The following STK32B variants were observed in gnomAD, a reference collection of about 807,000 sequenced individuals.
STK32B encodes the protein serine/threonine kinase 32B.
In STK32B, 43 loss-of-function variants were observed where a neutral mutation model predicts 52.6. The ratio of observed to expected loss-of-function variants is 0.82; its 90% CI spans 0.64 to 1.05. The LOEUF (loss-of-function observed/expected upper bound fraction) is 1.05, where lower values mean the gene tolerates loss of function less well. STK32B is among the 50% of genes least tolerant of loss of function. The pLI, the probability that STK32B is intolerant of heterozygous loss-of-function variation, is 0.00. For synonymous variants in STK32B, 238 were observed against 204.3 expected, an observed-to-expected ratio of 1.17 and a Z score of -1.41; for missense variants, 621 against 534.6, an observed-to-expected ratio of 1.16 and a Z score of -1.59.
chr4:5,100,676 CCTTTCTTACTTTCTTTCT>C (rs1713707574), intron 1 of STK32B, among the ~76,000 whole-genome samples: 8 of 38,968 alleles, frequency 2.1e-4, no homozygotes, highest in Non-Finnish European at 2.4e-4. Context: ...TTCTTTCTTT[CCTTTCTTACTTTCTTTCT>C]TTCCTTCCTT....
chr4:5,404,282 T>G (rs1343106518), intron 5 of STK32B, among the ~76,000 whole-genome samples: 1 of 152,134 alleles, frequency 6.6e-6, no homozygotes, highest in African/African-American at 2.4e-5. Flanking sequence ...TCCAGGGCCC[T>G]CTTCCAGCTC....
intron 11 of STK32B, among the ~76,000 whole-genome samples, chr4:5,468,327 C>T (rs1717599842): frequency 6.6e-6 from 1 of 152,182 alleles, no homozygotes; most frequent in Non-Finnish European, 1.5e-5. Flanking sequence ...TGCAGCAGCC[C>T]TGAGCGGGCA....
chr4:5,041,769 TTTC>T, the STK32B span, among the ~76,000 whole-genome samples: 1 of 151,618 alleles, frequency 6.6e-6, no homozygotes, highest in East Asian at 2.0e-4. Context: ...GTGCAAACTA[TTTC>T]TTATCTTGGT....
At chr4:5,021,740 A>G in the STK32B span, among the ~76,000 whole-genome samples, 1 of 152,158 alleles carries the variant, frequency 6.6e-6, no homozygotes, top group South Asian at 2.1e-4. Context: ...TCTTGGGTAA[A>G]TCAGCTGAGC....
intron 1 of STK32B, among the ~76,000 whole-genome samples, chr4:5,073,399 T>C (rs557409002): frequency 2.0e-5 from 3 of 152,184 alleles, no homozygotes; most frequent in African/African-American, 7.2e-5. Flanking sequence ...TAAAAACTTA[T>C]AATAGTATAA....
chr4:5,076,368 T>G (rs1342959384), intron 1 of STK32B, among the ~76,000 whole-genome samples: 1 of 152,204 alleles, frequency 6.6e-6, no homozygotes, highest in African/African-American at 2.4e-5. Context: ...TGGGGGCATT[T>G]AGCTTATTCC....
At chr4:5,232,698 G>C (rs188030783) in intron 3 of STK32B, among the ~76,000 whole-genome samples, 32 of 152,294 alleles carry the variant, frequency 2.1e-4, no homozygotes, top group Admixed American at 6.5e-4. Context: ...TGTGAAGCTG[G>C]AGATGAAGCC....
chr4:5,457,408 G>A (rs571012111), intron 8 of STK32B, among the ~76,000 whole-genome samples: 101 of 150,530 alleles, frequency 6.7e-4, no homozygotes, highest in African/African-American at 2.4e-3. Flanking sequence ...GTAGAGACGG[G>A]GTTTCACCAT....
chr4:5,077,159 C>A (rs1398115177), intron 1 of STK32B, among the ~76,000 whole-genome samples: 7 of 152,158 alleles, frequency 4.6e-5, no homozygotes, highest in Non-Finnish European at 7.3e-5. Flanking sequence ...GTGTGGCACT[C>A]CTTCCTTTTT....
the STK32B span, among the ~76,000 whole-genome samples, chr4:5,021,535 T>C: frequency 6.6e-6 from 1 of 152,180 alleles, no homozygotes; most frequent in South Asian, 2.1e-4. Context: ...CTAGGGCTTC[T>C]GGATGTGCTC....
At chr4:5,067,492 G>A (rs1461385749) in intron 1 of STK32B, among the ~76,000 whole-genome samples, 1 of 152,030 alleles carries the variant, frequency 6.6e-6, no homozygotes, top group Admixed American at 6.6e-5. Flanking sequence ...AATAGACTAA[G>A]GAAAATCACC....
chr4:5,340,464 G>A (rs891211895), intron 4 of STK32B, among the ~76,000 whole-genome samples: 3 of 152,234 alleles, frequency 2.0e-5, no homozygotes, highest in Non-Finnish European at 2.9e-5. Context: ...GGTGGAGCCT[G>A]TATTGCAAGG....
intron 3 of STK32B, among the ~76,000 whole-genome samples, chr4:5,267,637 C>T (rs1434600901): frequency 6.6e-6 from 1 of 152,176 alleles, no homozygotes; most frequent in East Asian, 1.9e-4. Flanking sequence ...GGACGAAAAT[C>T]AAGTTTATTC....
chr4:5,448,478 G>A (rs1052264968), intron 7 of STK32B, among the ~76,000 whole-genome samples: 5 of 152,208 alleles, frequency 3.3e-5, no homozygotes, highest in South Asian at 4.1e-4. Flanking sequence ...TGACCTTGGC[G>A]AGCATTTGCC....
intron 3 of STK32B, among the ~76,000 whole-genome samples, chr4:5,178,667 C>T (rs1384795152): frequency 6.6e-6 from 1 of 152,240 alleles, no homozygotes; most frequent in Non-Finnish European, 1.5e-5. Context: ...TGAATCATCT[C>T]TCTCAAGTTC....
chr4:5,353,983 A>C (rs1020290390), intron 4 of STK32B, among the ~76,000 whole-genome samples: 7 of 152,246 alleles, frequency 4.6e-5, no homozygotes, highest in African/African-American at 1.7e-4. Context: ...GAATCAACCT[A>C]AGTGTCCATT....
At chr4:5,064,312 A>G (rs7691099) in intron 1 of STK32B, among the ~76,000 whole-genome samples, 62,412 of 140,582 alleles carry the variant, frequency 0.44, 14,580 homozygotes, top group South Asian at 0.63. Context: ...TATATTTATT[A>G]TAATATATAA....
At chr4:5,484,707 GT>G (rs1294001351) in intron 11 of STK32B, among the ~76,000 whole-genome samples, 1 of 152,146 alleles carries the variant, frequency 6.6e-6, no homozygotes, top group Non-Finnish European at 1.5e-5. Context: ...AATTTGGCAT[GT>G]TTTTGCAGTG....
intron 3 of STK32B, among the ~76,000 whole-genome samples, chr4:5,314,794 G>A (rs553118088): frequency 3.3e-5 from 5 of 152,138 alleles, no homozygotes; most frequent in South Asian, 4.2e-4. Context: ...GTAGCAAAAC[G>A]GGCTGGGAAA....
Sources: allele counts gnomAD v4.1 joint callset (sites outside exome capture counted in the v4.1 genomes callset), GRCh38; gene constraint gnomAD v4.1.1; transcripts MANE v1.5; gene names NCBI Gene and HGNC (gene_info 2026-07-23, HGNC 2026-07-21).